The following PAX7 variants were observed in gnomAD, a reference collection of about 807,000 sequenced individuals.
PAX7 encodes the protein paired box 7.
In PAX7, 18 loss-of-function variants were observed where a neutral mutation model predicts 50.7. That is an observed-to-expected ratio of 0.36 (90% CI 0.25 to 0.53). The LOEUF is 0.53. Ranked by LOEUF, PAX7 falls within the 20% of genes least tolerant of loss-of-function variation. PAX7 has a pLI of 0.93. For missense variants in PAX7, 644 were observed against 702.9 expected (o/e 0.92, Z 0.95); for synonymous variants, 310 against 290.4 (o/e 1.07, Z -0.69).
intron 4 of PAX7, among the ~76,000 whole-genome samples, chr1:18,689,268 T>G (rs114566181): frequency 0.019 from 2,889 of 152,344 alleles, 88 homozygotes; most frequent in African/African-American, 0.065. Flanking sequence ...GGTTATGCAC[T>G]GCATTTCAGG....
intron 4 of PAX7, among the ~76,000 whole-genome samples, chr1:18,684,523 G>T (rs964510447): frequency 1.3e-5 from 2 of 152,332 alleles, no homozygotes; most frequent in Admixed American, 1.3e-4. Context: ...TACACCGTGC[G>T]CTGGTTACAG....
At chr1:18,666,090 C>T (rs1422532878) in intron 4 of PAX7, among the ~76,000 whole-genome samples, 1 of 152,202 alleles carries the variant, frequency 6.6e-6, no homozygotes, top group East Asian at 1.9e-4. Flanking sequence ...AGGAGGATCG[C>T]TTGGGCCCAG....
intron 8 of PAX7, among the ~76,000 whole-genome samples, chr1:18,739,653 C>A (rs528378709): frequency 6.6e-6 from 1 of 152,320 alleles, no homozygotes; most frequent in Admixed American, 6.5e-5. Context: ...GAGCCACCTT[C>A]AGGTGTGCAT....
intron 4 of PAX7, among the ~76,000 whole-genome samples, chr1:18,669,953 A>C (rs2088719561): frequency 6.6e-6 from 1 of 152,020 alleles, no homozygotes; most frequent in Admixed American, 6.6e-5. Context: ...GCGTGGTGGC[A>C]CGTGCCTGTA....
At chr1:18,645,308 G>A (rs1336994596) in intron 4 of PAX7, among the ~76,000 whole-genome samples, 1 of 152,256 alleles carries the variant, frequency 6.6e-6, no homozygotes, top group South Asian at 2.1e-4. Flanking sequence ...CTGGGCTGCG[G>A]AGCCTCTTGC....
chr1:18,739,158 C>T (rs1168039295), intron 8 of PAX7, among the ~76,000 whole-genome samples: 1 of 152,176 alleles, frequency 6.6e-6, no homozygotes, highest in Non-Finnish European at 1.5e-5. Context: ...GTTATTTGTC[C>T]CCAGGTTGCA....
chr1:18,708,521 C>T (rs768526971), intron 7 of PAX7, among the ~76,000 whole-genome samples: 2 of 151,976 alleles, frequency 1.3e-5, no homozygotes, highest in South Asian at 2.1e-4. Flanking sequence ...TGCCACTGTG[C>T]GCCAGCCTAG....
At chr1:18,717,007 G>A (rs2089433819) in intron 7 of PAX7, among the ~76,000 whole-genome samples, 1 of 151,754 alleles carries the variant, frequency 6.6e-6, no homozygotes, top group African/African-American at 2.4e-5. Flanking sequence ...CGGGTCTGGG[G>A]GGATCCGCGC....
chr1:18,688,542 T>A (rs1045834502), intron 4 of PAX7, among the ~76,000 whole-genome samples: 13 of 152,198 alleles, frequency 8.5e-5, no homozygotes, highest in Non-Finnish European at 8.8e-5. Flanking sequence ...TCTAGAACGT[T>A]TCCGTCATCG....
At chr1:18,689,515 G>A (rs906210161) in intron 4 of PAX7, among the ~76,000 whole-genome samples, 1 of 152,110 alleles carries the variant, frequency 6.6e-6, no homozygotes, top group Admixed American at 6.5e-5. Context: ...ATGAAGGCAG[G>A]ACTCCCTTGC....
chr1:18,660,525 C>T (rs1420106078), intron 4 of PAX7, among the ~76,000 whole-genome samples: 1 of 152,082 alleles, frequency 6.6e-6, no homozygotes, highest in Non-Finnish European at 1.5e-5. Flanking sequence ...TTTAAGAAAT[C>T]TGCCTCCCTT....
intron 7 of PAX7, among the ~76,000 whole-genome samples, chr1:18,732,007 G>A (rs1037924432): frequency 5.3e-5 from 8 of 152,048 alleles, no homozygotes; most frequent in African/African-American, 1.7e-4. Flanking sequence ...GGTGTATCTC[G>A]TGATTCAGCC....
rs532422604 is a variant in PAX7 at position 18,745,026 on chromosome 1, G to C, written c.*97G>C. On this transcript the variant is annotated 3_prime_UTR_variant, in exon 9 of 9. Coordinates refer to ENST00000420770, the MANE Select transcript of PAX7 (RefSeq NM_001135254.2). ...GCCGCCTCACCCCCCTGTTGTCCTA[G>C]GAGGCCAGGAAAGGAGCCCACCTGC... is the stretch of plus-strand genomic sequence containing the variant. 2.8e-5 allele frequency: 20 copies of C among 718,002 alleles called. No homozygotes were observed. Among genetic ancestry groups the C allele is most frequent in the Non-Finnish European group, 4.5e-5 (19 of 418,386 alleles). 44.5% of individuals were successfully genotyped at this position (718,002 alleles called of 1,614,324 possible).
intron 4 of PAX7, among the ~76,000 whole-genome samples, chr1:18,680,184 G>T (rs947577247): frequency 2.6e-5 from 4 of 152,124 alleles, no homozygotes; most frequent in Non-Finnish European, 5.9e-5. Flanking sequence ...ATTTCTCAAG[G>T]TTCCCACCCC....
intron 4 of PAX7, among the ~76,000 whole-genome samples, chr1:18,661,088 C>T (rs1570136938): frequency 3.9e-5 from 6 of 152,106 alleles, no homozygotes; most frequent in Admixed American, 3.9e-4. Flanking sequence ...ACAGTTGACA[C>T]GTGGTTGTTA....
At chr1:18,677,300 G>A (rs1245631547) in intron 4 of PAX7, among the ~76,000 whole-genome samples, 2 of 152,142 alleles carry the variant, frequency 1.3e-5, no homozygotes, top group African/African-American at 2.4e-5. Flanking sequence ...CCCCAGTGGT[G>A]GGGGTGTCAG....
At chr1:18,646,703 A>C (rs1299741757) in intron 4 of PAX7, among the ~76,000 whole-genome samples, 1 of 151,880 alleles carries the variant, frequency 6.6e-6, no homozygotes, top group East Asian at 2.0e-4. Flanking sequence ...AGCGGCTTTG[A>C]AGAGGCGAAT....
chr1:18,724,541 A>T (rs1171557885), intron 7 of PAX7, among the ~76,000 whole-genome samples: 1 of 152,174 alleles, frequency 6.6e-6, no homozygotes, highest in Non-Finnish European at 1.5e-5. Context: ...AGACTGTCCT[A>T]TGAAGCCAGT....
At chr1:18,702,494 C>A (rs1285711935) in intron 6 of PAX7, among the ~76,000 whole-genome samples, 1 of 152,072 alleles carries the variant, frequency 6.6e-6, no homozygotes, top group African/African-American at 2.4e-5. Context: ...TGTTGAGGGT[C>A]CCAGCCTCTG....
Sources: allele counts gnomAD v4.1 joint callset (sites outside exome capture counted in the v4.1 genomes callset), GRCh38; gene constraint gnomAD v4.1.1; transcripts MANE v1.5; gene names NCBI Gene and HGNC (gene_info 2026-07-23, HGNC 2026-07-21).